The following CIRBP variants were observed in gnomAD, a reference collection of about 807,000 sequenced individuals.
The protein encoded by CIRBP is cold inducible RNA binding protein, also known as cold-inducible RNA-binding protein.
Under a neutral mutation model 22.3 loss-of-function variants are expected in CIRBP, and 11 were observed. That is an observed-to-expected ratio of 0.49 (90% confidence interval 0.31 to 0.82). The LOEUF (loss-of-function observed/expected upper bound fraction) is 0.82. CIRBP is among the 40% of genes least tolerant of loss of function. The probability of loss-of-function intolerance (pLI) is 0.05; values close to 1 mark genes in which losing one functional copy is unlikely to be tolerated. For missense variants in CIRBP, 456 were observed against 402.7 expected, an observed-to-expected ratio of 1.13 and a Z score of -1.13; for synonymous variants, 216 against 158.8, an observed-to-expected ratio of 1.36 and a Z score of -2.71.
At chr19:1,270,266 G>T in intron 1 of CIRBP, 8 of 375,622 alleles carry the variant, frequency 2.1e-5, no homozygotes, top group South Asian at 1.5e-4. Context: ...ATTTTACAGT[G>T]AGCAGAAGCA....
Position 1,274,201 on chromosome 19 carries a change from T to G in CIRBP, c.*1758T>G, listed in dbSNP as rs1425056363. 3 of 398,662 alleles carry G rather than the reference T, an allele frequency of 7.5e-6. No individual in the cohort carries two copies. Among genetic ancestry groups the G allele is most frequent in the Non-Finnish European group, 1.3e-5 (3 of 225,520 alleles). 24.7% of individuals were successfully genotyped at this position (398,662 alleles called of 1,614,324 possible). On this transcript the variant is annotated 3_prime_UTR_variant, in exon 6 of 6. Transcript: ENST00000587896. ...GAGCCTGAGGTCACAGCCCCCTGAC[T>G]AGCCTGAGACCTTCCTAGGGGCTGT...
intron 1 of CIRBP, 121 bp from the exon 2 acceptor site, chr19:1,270,807 A>G: frequency 1.3e-6 from 1 of 784,778 alleles, no homozygotes; most frequent in South Asian, 1.6e-5. Flanking sequence ...GATAATGAAA[A>G]ATAAAAATCT....
chr19:1,269,902 C>A, intron 1 of CIRBP: 2 of 519,880 alleles, frequency 3.8e-6, no homozygotes, highest in Non-Finnish European at 7.7e-6. Context: ...GTAGGCGTGG[C>A]CCGTTCTAGT....
intron 1 of CIRBP, chr19:1,270,154 C>G (rs1160326172): frequency 2.0e-6 from 1 of 512,182 alleles, no homozygotes; most frequent in Non-Finnish European, 3.9e-6. Context: ...TTCCCGATTC[C>G]CGGCCTAGGT....
Position 1,272,560 on chromosome 19 carries a change from A to G in CIRBP, c.*117A>G, listed in dbSNP as rs1418006378. 1 of 944,632 alleles carries G rather than the reference A, an allele frequency of 1.1e-6. No individual in the cohort carries two copies. The highest frequency in any genetic ancestry group is 2.5e-5 in the East Asian group (1 of 40,546). 58.5% of individuals were successfully genotyped at this position (944,632 alleles called of 1,614,324 possible). A position where few individuals can be genotyped will look rare whatever the true frequency, so the allele number is the denominator to read the frequency against. On this transcript the variant is annotated 3_prime_UTR_variant, in exon 6 of 6. Transcript: ENST00000587896. ...TCCTTGTATTCCCACTTTCGTAGTC[A>G]TTTCGGTTCTGATCTTGTCAAACCC... is the stretch of plus-strand genomic sequence containing the variant.
At position 1,272,474 on chromosome 19, in the gene CIRBP, A is replaced by T; in HGVS notation, c.*31A>T. On this transcript the variant is annotated 3_prime_UTR_variant, in exon 6 of 6. Transcript: ENST00000587896. ...CTTCCTGCTCAAGATCGTCCTTCCA[A>T]TGGCTGTGTGTTTAAAGATTGTGGG... The T allele has an allele frequency of 1.3e-6, 2 of 1,491,666 alleles. No homozygotes were observed. Among genetic ancestry groups the T allele is most frequent in the African/African-American group, 1.4e-5 (1 of 71,212 alleles). 92.4% of individuals were successfully genotyped at this position (1,491,666 alleles called of 1,614,324 possible). A position where few individuals can be genotyped will look rare whatever the true frequency, so the allele number is the denominator to read the frequency against.
At chr19:1,274,859 A>G (rs918604576), downstream of CIRBP, 1 of 152,604 alleles carries the variant, frequency 6.6e-6, no homozygotes, top group Admixed American at 6.5e-5. Flanking sequence ...GGGCCACTGG[A>G]AGAAAAGCCT....
Position 1,274,575 on chromosome 19 carries a change from CAGCGCCTCCCGGG to C in CIRBP, c.*2139_*2151del, listed in dbSNP as rs1260937882. On this transcript the variant is annotated 3_prime_UTR_variant, in exon 6 of 6. Transcript: ENST00000587896. ...CTTTCGGTGTGTGTTGGGTGCAGGG[CAGCGCCTCCCGGG>C]AGCGCCGGGTCCCCCGCCTGGAGCC... 2.9e-6 allele frequency: 1 copy of C among 342,182 alleles called. No individual in the cohort carries two copies. Among genetic ancestry groups the C allele is most frequent in the African/African-American group, 2.1e-5 (1 of 47,198 alleles). 21.2% of individuals were successfully genotyped at this position (342,182 alleles called of 1,614,324 possible).
intron 1 of CIRBP, chr19:1,269,771 C>T (rs1192924377): frequency 2.2e-6 from 1 of 464,110 alleles, no homozygotes; most frequent in Non-Finnish European, 4.4e-6. Context: ...GTCTCCAGGG[C>T]CGCTTTCCCG....
rs1819314599 is a variant in CIRBP, at chr19:1,272,177, G to A, written c.628G>A (p.Ala210Thr). ...RPCHCACPEE[A>T]HLSSQSHFYR... Reference sequence around the variant, plus strand: ...TTGTCACTGTGCTTGCCCAGAAGAGGCGCATCTGTCCTCTCAGAGCCATTT... The same window carrying A: ...TTGTCACTGTGCTTGCCCAGAAGAGACGCATCTGTCCTCTCAGAGCCATTT... Residue 210 changes from alanine to threonine, a missense_variant, in exon 6 of 6, where the codon GCG (alanine) becomes ACG (threonine). By Grantham distance (58) the Ala-to-Thr change is moderately conservative. This residue lies in a region of CIRBP where 426 missense variants were observed against 339.6 expected (regional missense o/e 1.25). Coordinates refer to ENST00000587896, the MANE Select transcript of CIRBP (RefSeq NM_001300829.2). 3 of 1,601,750 alleles carry A rather than the reference G, an allele frequency of 1.9e-6. No individual in the cohort carries two copies. Among genetic ancestry groups the A allele is most frequent in the South Asian group, 1.1e-5 (1 of 90,358 alleles).
At position 1,272,314 on chromosome 19, in the gene CIRBP, C is replaced by T. The variant is rs777803256; in HGVS notation, c.765C>T (p.Gly255=). 2 of 1,613,682 alleles carry T rather than the reference C, an allele frequency of 1.2e-6. No homozygotes were observed. Among genetic ancestry groups the T allele is most frequent in the Admixed American group, 1.7e-5 (1 of 59,992 alleles). ...GTGGCCGCAGGCCAGCCTCCCTCGG[C>T]TGTGGGGGGTGGTTGCTCCCCGGCC... is the stretch of plus-strand genomic sequence containing the variant. ...CMCGRRPASL[G]CGGWLLPGRR... is the part of the protein sequence containing the mutation. The change falls in exon 6 of 6, where the codon GGC becomes GGT. Residue 255 remains glycine (G), a synonymous_variant. Coordinates refer to ENST00000587896, the MANE Select transcript of CIRBP (RefSeq NM_001300829.2).
chr19:1,269,744 G>A, intron 1 of CIRBP: 1 of 390,840 alleles, frequency 2.6e-6, no homozygotes, highest in South Asian at 1.8e-5. Context: ...CGGGGGCGGG[G>A]CCACGTGGCG....
At position 1,272,396 on chromosome 19, in the gene CIRBP, C is replaced by T. The variant is rs1258548793; in HGVS notation, c.847C>T (p.Pro283Ser). The T allele has an allele frequency of 1.9e-6, 3 of 1,586,566 alleles. No individual in the cohort carries two copies. The African/African-American group carries it at 4.1e-5, about 22-fold the overall frequency. ...GAAGCTGCCTCTTGTTGCTTCGGTG[C>T]CTTTACACTGTGCCTGCTTCTTGTC... ...GVKLPLVASVPLHCACFLSSA... is the reference protein window; with the variant it reads ...GVKLPLVASVSLHCACFLSSA... Residue 283 changes from proline to serine, a missense_variant, in exon 6 of 6, where the codon CCT becomes TCT. By Grantham distance (74) the Pro-to-Ser change is moderately conservative. This residue lies in a region of CIRBP where 426 missense variants were observed against 339.6 expected (regional missense o/e 1.25). Coordinates refer to ENST00000587896, the MANE Select transcript of CIRBP (RefSeq NM_001300829.2).
chr19:1,271,739 GC>G, intron 5 of CIRBP, 107 bp downstream of exon 5: 1 of 800,380 alleles, frequency 1.2e-6, no homozygotes, highest in Non-Finnish European at 2.0e-6. Flanking sequence ...TGGGCAAGGA[GC>G]AGAGGCAGGT....
In CIRBP at chr19:1,272,088, CT is replaced by C; in HGVS notation, c.540del (p.Ala181ArgfsTer15). The C allele has an allele frequency of 6.2e-7, 1 of 1,614,070 alleles. No individual in the cohort carries two copies. Among genetic ancestry groups the C allele is most frequent in the South Asian group, 1.1e-5 (1 of 91,088 alleles). Reference sequence around the variant, plus strand: ...TCCGAGGGCGCCACGCTGCTGTGGCCTGCGGTGGGAGCTCGGTTCACCTTGG... The same window carrying C: ...TCCGAGGGCGCCACGCTGCTGTGGCCGCGGTGGGAGCTCGGTTCACCTTGG... The part of the protein sequence containing the change: ...SHSEGATLLW[P>X]AVGARFTLVP... On this transcript the variant is annotated frameshift_variant, in exon 6 of 6. Coordinates refer to ENST00000587896, the MANE Select transcript of CIRBP (RefSeq NM_001300829.2). LOFTEE classifies it low-confidence loss of function (END_TRUNC).
rs184678959 is a variant in CIRBP, at chr19:1,272,264, G to A, written c.715G>A (p.Ala239Thr). The change falls in exon 6 of 6, where the codon GCT becomes ACT. Residue 239 changes from alanine (A) to threonine (T), a missense_variant. Transcript: ENST00000587896. ...DQKGKGERGP[A>T]GQSARCMCGR... ...AAAAGGCAAGGGAGAGCGAGGGCCC[G>A]CTGGGCAGTCAGCTAGGTGCATGTG... is the stretch of plus-strand genomic sequence containing the variant. 79 of 1,610,872 alleles carry A rather than the reference G, an allele frequency of 4.9e-5. No homozygotes were observed. In the African/African-American group the frequency reaches 6.9e-4, roughly 14 times the overall value.
At position 1,271,011 on chromosome 19, in the gene CIRBP, C is replaced by T. The variant is rs376019384; in HGVS notation, c.78C>T (p.Phe26=). 131 of 1,613,918 alleles carry T rather than the reference C, an allele frequency of 8.1e-5. No individual in the cohort carries two copies. Among genetic ancestry groups the T allele is most frequent in the Admixed American group, 2.0e-4 (12 of 60,006 alleles). ...ATGAGCAGTCGCTGGAGCAGGTCTTCTCAAAGTACGGACAGATCTCTGAAG... is the reference window on the plus strand; with the variant it reads ...ATGAGCAGTCGCTGGAGCAGGTCTTTTCAAAGTACGGACAGATCTCTGAAG... The part of the protein sequence containing the change: ...DTNEQSLEQV[F]SKYGQISEVV... Residue 26 remains phenylalanine (F), a synonymous_variant, in exon 2 of 6, where the codon TTC becomes TTT. Transcript: ENST00000587896.
chr19:1,270,865 AGGAAGCG>A, intron 1 of CIRBP, 56 bp from the exon 2 acceptor site: 1 of 991,022 alleles, frequency 1.0e-6, no homozygotes, highest in South Asian at 1.3e-5. Flanking sequence ...TACATAAAAT[AGGAAGCG>A]GGGAGAGGTG....
rs747014591 is a variant in CIRBP at position 1,272,117 on chromosome 19, C to T, written c.568C>T (p.Pro190Ser). ...GGTGGGAGCTCGGTTCACCTTGGTG[C>T]CCTCTCCAAGCACTTTAGGCTGGAC... ...PAVGARFTLV[P>S]SPSTLGWTLR... Residue 190 changes from proline to serine, a missense_variant, in exon 6 of 6, where the codon CCC (proline) becomes TCC (serine). Transcript: ENST00000587896. 1.3e-5 allele frequency: 21 copies of T among 1,613,630 alleles called. No individual in the cohort carries two copies. Among genetic ancestry groups the T allele is most frequent in the Non-Finnish European group, 1.8e-5 (21 of 1,179,994 alleles).
Sources: allele counts gnomAD v4.1 joint callset, GRCh38; gene constraint gnomAD v4.1.1; regional missense constraint gnomAD v4.1.1; transcripts MANE v1.5; gene names NCBI Gene and HGNC (gene_info 2026-07-23, HGNC 2026-07-21).